Variants in ALG13 observed in about 807,000 individuals in gnomAD.
The protein encoded by ALG13 is ALG13 UDP-N-acetylglucosaminyltransferase subunit.
In ALG13, 11 loss-of-function variants were observed where a neutral mutation model predicts 87.8. The ratio of observed to expected loss-of-function variants is 0.13; its 90% CI spans 0.08 to 0.21. The LOEUF is 0.21. Ranked by LOEUF, ALG13 falls within the 10% of genes least tolerant of loss-of-function variation. The pLI is 1.00. For synonymous variants in ALG13, 320 were observed against 306.3 expected (o/e 1.04, Z -0.47); for missense variants, 756 against 866.1 (o/e 0.87, Z 1.60).
chrX:111,758,563 G>C (rs1359982355), intron 26 of ALG13, among the ~76,000 whole-genome samples: 1 of 112,357 alleles, frequency 8.9e-6, no homozygotes, highest in Non-Finnish European at 1.9e-5. Context: ...ATGAGGAAAT[G>C]TGTCAACATT....
chrX:111,727,181 ATAGT>A (rs1426163563), intron 16 of ALG13, 126 bp downstream of exon 16: 12 of 945,163 alleles, frequency 1.3e-5, no homozygotes, highest in African/African-American at 1.9e-5. Flanking sequence ...TTCATTAATA[ATAGT>A]TAGCCCTAAT....
At chrX:111,718,085 T>C (rs1195238904) in intron 9 of ALG13, 27 bp from the exon 10 acceptor site, 1 of 1,143,445 alleles carries the variant, frequency 8.7e-7, no homozygotes, top group Non-Finnish European at 1.2e-6. Flanking sequence ...ATTTTGACAA[T>C]TGGAATTTTG....
At chrX:111,756,534 A>G (rs968268051) in intron 25 of ALG13, among the ~76,000 whole-genome samples, 4 of 112,063 alleles carry the variant, frequency 3.6e-5, no homozygotes, top group African/African-American at 1.3e-4. Flanking sequence ...TGTCTTTATC[A>G]GTGAAAGGTG....
chrX:111,709,818 G>A (rs1393617857), intron 5 of ALG13, among the ~76,000 whole-genome samples: 1 of 110,261 alleles, frequency 9.1e-6, no homozygotes, highest in Non-Finnish European at 1.9e-5. Flanking sequence ...AAAACTATGT[G>A]AAGACTTCTT....
At chrX:111,721,913 C>T (rs1941436589) in intron 12 of ALG13, among the ~76,000 whole-genome samples, 1 of 111,239 alleles carries the variant, frequency 9.0e-6, no homozygotes, top group South Asian at 3.8e-4. Flanking sequence ...CTGATGTTTG[C>T]CTGGGACTTC....
intron 3 of ALG13, among the ~76,000 whole-genome samples, chrX:111,695,399 T>A (rs971204334): frequency 9.1e-6 from 1 of 110,292 alleles, no homozygotes; most frequent in African/African-American, 3.3e-5. Flanking sequence ...GGCACATGCC[T>A]GTAATCCCAG....
chrX:111,725,615 T>C (rs1043633927), intron 15 of ALG13, among the ~76,000 whole-genome samples: 1 of 111,599 alleles, frequency 9.0e-6, no homozygotes, highest in Non-Finnish European at 1.9e-5. Context: ...TTTGGAATGT[T>C]CCCAACATAA....
rs372964677 is a variant in ALG13, at chrX:111,736,070, A to G, written c.2530-644A>G. 8.1e-5 allele frequency among the ~76,000 whole-genome samples: 9 copies of G among 111,465 alleles called. No homozygotes were observed. In the East Asian group the frequency reaches 2.3e-3, roughly 28 times the overall value. ...TGTAATCCCAACACTTTGGGATGCT[A>G]AGGCGGGCAGGTTACTTGAGCCCAG... On this transcript the variant is annotated intron_variant, in intron 22 of 26. Coordinates refer to ENST00000394780, the MANE Select transcript of ALG13 (RefSeq NM_001099922.3).
chrX:111,728,665 G>T (rs771596167), intron 19 of ALG13, among the ~76,000 whole-genome samples: 1 of 111,071 alleles, frequency 9.0e-6, no homozygotes, highest in Non-Finnish European at 1.9e-5. Flanking sequence ...CTTTTCGTGT[G>T]ACTGGCTATT....
In ALG13 at chrX:111,760,060, G is replaced by T; in HGVS notation, c.*61G>T. 9.2e-7 allele frequency: 1 copy of T among 1,084,393 alleles called. No homozygotes were observed. Among genetic ancestry groups the T allele is most frequent in the Non-Finnish European group, 1.2e-6 (1 of 807,127 alleles). 89.4% of individuals were successfully genotyped at this position (1,084,393 alleles called of 1,213,427 possible). A position where few individuals can be genotyped will look rare whatever the true frequency, so the allele number is the denominator to read the frequency against. ...TTCTTGCTGTTTTTGTTTTTAAAAA[G>T]TATTTTATGTTAGTGGTTAAATGAT... On this transcript the variant is annotated 3_prime_UTR_variant, in exon 27 of 27. Coordinates refer to ENST00000394780, the MANE Select transcript of ALG13 (RefSeq NM_001099922.3).
intron 21 of ALG13, among the ~76,000 whole-genome samples, chrX:111,732,754 G>A (rs1209994187): frequency 9.0e-6 from 1 of 111,714 alleles, no homozygotes; most frequent in Non-Finnish European, 1.9e-5. Context: ...TTAGGAAGGA[G>A]AAGAAAACTC....
intron 25 of ALG13, among the ~76,000 whole-genome samples, chrX:111,753,985 G>A (rs1476244413): frequency 9.0e-6 from 1 of 111,559 alleles, no homozygotes; most frequent in African/African-American, 3.3e-5. Flanking sequence ...GAAAATTTCA[G>A]GCCAATATCC....
chrX:111,686,146 G>A, intron 3 of ALG13: 1 of 1,121,857 alleles, frequency 8.9e-7, no homozygotes, highest in Non-Finnish European at 1.2e-6. Context: ...GTTCTTCCTT[G>A]AGACACTAGA....
At chrX:111,738,871 G>A (rs1209362637) in intron 23 of ALG13, among the ~76,000 whole-genome samples, 1 of 107,986 alleles carries the variant, frequency 9.3e-6, no homozygotes, top group Non-Finnish European at 1.9e-5. Context: ...TGTAAGAAGA[G>A]GGAAATCTAA....
At chrX:111,683,607 A>G (rs1361841189) in intron 2 of ALG13, among the ~76,000 whole-genome samples, 2 of 110,116 alleles carry the variant, frequency 1.8e-5, no homozygotes, top group African/African-American at 6.6e-5. Flanking sequence ...TCAAAGTGCT[A>G]GGATTACAGG....
intron 3 of ALG13, among the ~76,000 whole-genome samples, chrX:111,696,423 C>G (rs1330274329): frequency 9.0e-6 from 1 of 111,511 alleles, no homozygotes; most frequent in Admixed American, 9.6e-5. Context: ...GTGGTACAGC[C>G]AAGTTCATAA....
chrX:111,718,328 A>T, intron 10 of ALG13, 54 bp downstream of exon 10: 1 of 1,057,548 alleles, frequency 9.5e-7, no homozygotes, highest in Non-Finnish European at 1.3e-6. Flanking sequence ...TTCTGTGCAT[A>T]ATCATTTGAA....
intron 3 of ALG13, among the ~76,000 whole-genome samples, chrX:111,694,671 T>G (rs1936709272): frequency 8.9e-6 from 1 of 112,314 alleles, no homozygotes; most frequent in African/African-American, 3.2e-5. Flanking sequence ...ATGATGTCTA[T>G]GAGACGCATA....
At chrX:111,689,359 G>T (rs1341796221) in intron 3 of ALG13, 1 of 751,728 alleles carries the variant, frequency 1.3e-6, no homozygotes, top group African/African-American at 2.3e-5. Context: ...ACTTTATGTT[G>T]GTCACTTAGT....
Sources: gnomAD v4.1 joint callset for allele counts (sites outside exome capture counted in the v4.1 genomes callset) on GRCh38, gnomAD v4.1.1 for gene constraint, MANE v1.5 for transcripts, NCBI Gene and HGNC (gene_info 2026-07-23, HGNC 2026-07-21) for gene names.